Variants in KDM4B observed in about 807,000 individuals in gnomAD.
The protein encoded by KDM4B is lysine demethylase 4B.
In KDM4B, 32 loss-of-function variants were observed where a neutral mutation model predicts 125.2. The ratio of observed to expected loss-of-function variants is 0.26; its 90% CI spans 0.19 to 0.34. The LOEUF is 0.34. Ranked by LOEUF, KDM4B falls within the 10% of genes least tolerant of loss-of-function variation. The pLI is 1.00. For missense variants in KDM4B, 1,190 were observed against 1,577.7 expected (o/e 0.75, Z 4.16); for synonymous variants, 721 against 677.9 (o/e 1.06, Z -0.99).
intron 9 of KDM4B, among the ~76,000 whole-genome samples, chr19:5,104,014 G>A (rs2038987834): frequency 6.6e-6 from 1 of 152,246 alleles, no homozygotes; most frequent in Admixed American, 6.5e-5. Flanking sequence ...AGCAGAAGGA[G>A]GGGCCCTCCC....
At chr19:5,088,750 A>G (rs1191904116) in intron 9 of KDM4B, among the ~76,000 whole-genome samples, 1 of 149,696 alleles carries the variant, frequency 6.7e-6, no homozygotes, top group Non-Finnish European at 1.5e-5. Flanking sequence ...GCAGAGGAGC[A>G]GGACGCCCCT....
At position 5,001,445 on chromosome 19, in the gene KDM4B, T is replaced by C. The variant is rs563161668; in HGVS notation, c.-108-14812T>C. Among the ~76,000 whole-genome samples the C allele has an allele frequency of 1.4e-4, 22 of 152,352 alleles. No homozygotes were observed. The South Asian group carries it at 4.6e-3, about 32-fold the overall frequency. On this transcript the variant is annotated intron_variant, in intron 1 of 22. Coordinates refer to ENST00000159111, the MANE Select transcript of KDM4B (RefSeq NM_015015.3). Reference sequence around the variant, plus strand: ...GCTCCCCTGCACAGCTGCGTAGTGTTCCTTGCAGGGATGCAGCGAAGTCCA... The same window carrying C: ...GCTCCCCTGCACAGCTGCGTAGTGTCCCTTGCAGGGATGCAGCGAAGTCCA...
At chr19:5,140,312 G>A (rs1182521716) in intron 18 of KDM4B, 1 of 152,592 alleles carries the variant, frequency 6.6e-6, no homozygotes, top group Non-Finnish European at 1.5e-5. Context: ...AGCCCTGCAG[G>A]GCTGTCTGCT....
chr19:5,076,630 T>C (rs908985455), intron 7 of KDM4B: 12 of 148,452 alleles, frequency 8.1e-5, no homozygotes, highest in African/African-American at 3.2e-4. Flanking sequence ...CTGCATCCTT[T>C]CCCCAGGGTC....
chr19:5,020,761 G>A (rs1054872709), intron 2 of KDM4B, among the ~76,000 whole-genome samples: 3 of 152,160 alleles, frequency 2.0e-5, no homozygotes, highest in South Asian at 4.1e-4. Flanking sequence ...TTCAGGCCTC[G>A]TAACTTTTCC....
At chr19:5,037,289 C>G (rs1171531882) in intron 3 of KDM4B, among the ~76,000 whole-genome samples, 1 of 152,176 alleles carries the variant, frequency 6.6e-6, no homozygotes, top group Non-Finnish European at 1.5e-5. Flanking sequence ...TGATTCAGAG[C>G]AGTGCTGGCC....
intron 6 of KDM4B, among the ~76,000 whole-genome samples, chr19:5,053,182 T>C (rs1480266156): frequency 6.6e-6 from 1 of 152,154 alleles, no homozygotes; most frequent in African/African-American, 2.4e-5. Context: ...AGGAGCGAGA[T>C]AGTTGCTCCC....
In KDM4B at chr19:5,114,446, A is replaced by G; in HGVS notation, c.1115+3628A>G. 1 of 399,286 alleles carries G rather than the reference A, an allele frequency of 2.5e-6. No individual in the cohort carries two copies. The highest frequency in any genetic ancestry group is 1.8e-5 in the South Asian group (1 of 54,976). The allele number at this position is 399,286 out of a possible 1,614,324, so 24.7% of individuals were successfully genotyped here. On this transcript the variant is annotated intron_variant, in intron 10 of 22. Transcript: ENST00000159111. The surrounding 1 kb of genome is among the most constrained non-coding windows in gnomAD (Gnocchi z 5.8). Reference sequence around the variant, plus strand: ...CTGCCAGGGCTGCCACGGCTGCCACACCCCAGCTGCATTCCTGAGCCCTCC... The same window carrying G: ...CTGCCAGGGCTGCCACGGCTGCCACGCCCCAGCTGCATTCCTGAGCCCTCC...
At chr19:4,973,512 T>G (rs2145280162) in intron 1 of KDM4B, among the ~76,000 whole-genome samples, 1 of 152,278 alleles carries the variant, frequency 6.6e-6, no homozygotes, top group East Asian at 1.9e-4. Context: ...TTTTACTAAT[T>G]CGCGTTCAAA....
chr19:4,974,738 C>CAA (rs796667578), intron 1 of KDM4B, among the ~76,000 whole-genome samples: 22 of 69,386 alleles, frequency 3.2e-4, no homozygotes, highest in South Asian at 4.8e-4. Flanking sequence ...ACTCTGTCTC[C>CAA]AAAAAAAAAA....
intron 6 of KDM4B, among the ~76,000 whole-genome samples, chr19:5,047,901 G>A (rs2037079304): frequency 6.6e-6 from 1 of 152,210 alleles, no homozygotes; most frequent in Non-Finnish European, 1.5e-5. Context: ...CTTGCGCTTT[G>A]TACCCCGGAG....
chr19:5,084,585 A>AT (rs1568285806), intron 9 of KDM4B, among the ~76,000 whole-genome samples: 4 of 142,722 alleles, frequency 2.8e-5, no homozygotes, highest in Non-Finnish European at 6.1e-5. Context: ...TATTATATAT[A>AT]AATATAAATT....
chr19:5,047,819 G>T, intron 6 of KDM4B, 150 bp downstream of exon 6: 2 of 732,240 alleles, frequency 2.7e-6, no homozygotes, highest in South Asian at 3.6e-5. Context: ...CTTCCGGACC[G>T]CCTGGGGTCA....
At position 5,137,606 on chromosome 19, in the gene KDM4B, G is replaced by A; in HGVS notation, c.2386-15G>A. 6.2e-7 allele frequency: 1 copy of A among 1,602,992 alleles called. No homozygotes were observed. Among genetic ancestry groups the A allele is most frequent in the Non-Finnish European group, 8.5e-7 (1 of 1,177,748 alleles). ...CTCCGAGCCCTGCTCATCCAGGGCT[G>A]TCTGGTCTCCACAGGAGTGCTGCCT... On this transcript the variant is annotated splice_polypyrimidine_tract_variant and intron_variant, in intron 16 of 22. Coordinates refer to ENST00000159111, the MANE Select transcript of KDM4B (RefSeq NM_015015.3).
chr19:5,046,811 T>C (rs1054797897), intron 5 of KDM4B, among the ~76,000 whole-genome samples: 2 of 152,232 alleles, frequency 1.3e-5, no homozygotes, highest in African/African-American at 2.4e-5. Flanking sequence ...ACTGTTTTTC[T>C]CCTTCCGTGT....
chr19:4,998,162 C>T (rs4807676), intron 1 of KDM4B, among the ~76,000 whole-genome samples: 41,246 of 152,014 alleles, frequency 0.27, 6,687 homozygotes, highest in East Asian at 0.69. Context: ...GGGCAGTGGA[C>T]GGACAGGTGG....
intron 1 of KDM4B, among the ~76,000 whole-genome samples, chr19:4,990,896 G>A (rs1355927280): frequency 6.6e-6 from 1 of 152,084 alleles, no homozygotes; most frequent in East Asian, 1.9e-4. Context: ...TGAGGTGGGC[G>A]GACCACCTGA....
intron 9 of KDM4B, among the ~76,000 whole-genome samples, chr19:5,097,321 G>C (rs1328339604): frequency 6.6e-6 from 1 of 152,234 alleles, no homozygotes; most frequent in Non-Finnish European, 1.5e-5. Flanking sequence ...TGCGATCATA[G>C]CTCACTGCAG....
In KDM4B at chr19:5,119,758, C is replaced by T. The variant is rs1268840653; in HGVS notation, c.1221C>T (p.Ser407=). 11 of 1,547,362 alleles carry T rather than the reference C, an allele frequency of 7.1e-6. No homozygotes were observed. Among genetic ancestry groups the T allele is most frequent in the African/African-American group, 2.7e-5 (2 of 72,968 alleles). ...CGCTCCTAGAGGAGGCTGGGGGCAG[C>T]GTGAAGGAGGAGGCTGGGCCGGAGG... is the stretch of plus-strand genomic sequence containing the variant. ...GAALLEEAGG[S]VKEEAGPEVD... is the part of the protein sequence containing the mutation. Residue 407 remains serine (S), a synonymous_variant, in exon 11 of 23, where the codon AGC becomes AGT. Coordinates refer to ENST00000159111, the MANE Select transcript of KDM4B (RefSeq NM_015015.3).
Sources: allele counts gnomAD v4.1 joint callset (sites outside exome capture counted in the v4.1 genomes callset), GRCh38; gene constraint gnomAD v4.1.1; non-coding constraint Gnocchi (gnomAD v3.1); transcripts MANE v1.5; gene names NCBI Gene and HGNC (gene_info 2026-07-23, HGNC 2026-07-21).